The following FAM184A variants were observed in gnomAD, a reference collection of about 807,000 sequenced individuals.
The protein encoded by FAM184A is family with sequence similarity 184 member A, also known as protein FAM184A.
FAM184A carries 99 observed loss-of-function variants against 143.8 expected under a neutral mutation model. That is an observed-to-expected ratio of 0.69 (90% confidence interval 0.58 to 0.81). The LOEUF (loss-of-function observed/expected upper bound fraction) is 0.81. Among genes scored for constraint, FAM184A ranks in the 40% least tolerant of loss-of-function variants. The pLI, the probability that FAM184A is intolerant of heterozygous loss-of-function variation, is 0.00. For synonymous variants in FAM184A, 427 were observed against 446.4 expected, an observed-to-expected ratio of 0.96 and a Z score of 0.55; for missense variants, 1,217 against 1,310.5, an observed-to-expected ratio of 0.93 and a Z score of 1.10.
intron 14 of FAM184A, among the ~76,000 whole-genome samples, chr6:118,973,299 G>C (rs1349604089): frequency 6.6e-6 from 1 of 152,114 alleles, no homozygotes; most frequent in Non-Finnish European, 1.5e-5. Flanking sequence ...AATCTTTACC[G>C]AAAGATTGAA....
chr6:119,071,726 C>G (rs748699463), intron 1 of FAM184A, among the ~76,000 whole-genome samples: 1 of 152,118 alleles, frequency 6.6e-6, no homozygotes, highest in Non-Finnish European at 1.5e-5. Context: ...TGGCCACCCC[C>G]ACCTAGACCA....
chr6:119,024,714 T>C lies in FAM184A; in HGVS notation c.259A>G (p.Thr87Ala), dbSNP rs1785569954. Reference sequence around the variant, plus strand: ...TTATACTGCAATATTTTTTCTCTTGTTTCAGCAAGAATTTGTTGAATTTCT... The same window carrying C: ...TTATACTGCAATATTTTTTCTCTTGCTTCAGCAAGAATTTGTTGAATTTCT... ...EEEIQQILAE[T>A]REKILQYKSK... Residue 87 changes from threonine (T) to alanine (A), a missense_variant, in exon 2 of 18, where the codon ACA (threonine) becomes GCA (alanine). Thr to Ala is a moderately conservative substitution (Grantham distance 58). Coordinates refer to ENST00000338891, the MANE Select transcript of FAM184A (RefSeq NM_024581.6). 8 of 1,613,944 alleles carry C rather than the reference T, an allele frequency of 5.0e-6. No individual in the cohort carries two copies. Among genetic ancestry groups the C allele is most frequent in the Non-Finnish European group, 6.8e-6 (8 of 1,180,000 alleles).
chr6:118,960,828 G>A lies in FAM184A; in HGVS notation c.3342-644C>T, dbSNP rs1473889537. On this transcript the variant is annotated intron_variant, in intron 17 of 17. Transcript: ENST00000338891. The stretch of plus-strand genomic sequence containing the variant: ...GTGTAATGGAAACTCCAGTAGTCAT[G>A]TTCCTTGAGCTCATGCACATGCATC... The A allele has an allele frequency of 2.2e-6, 3 of 1,365,898 alleles. No homozygotes were observed. In the South Asian group the frequency reaches 3.4e-5, roughly 16 times the overall value. 84.6% of individuals were successfully genotyped at this position (1,365,898 alleles called of 1,614,324 possible). A position where few individuals can be genotyped will look rare whatever the true frequency, so the allele number is the denominator to read the frequency against.
chr6:119,110,412 C>T (rs1202218179), intron 1 of FAM184A, among the ~76,000 whole-genome samples: 1 of 152,058 alleles, frequency 6.6e-6, no homozygotes, highest in African/African-American at 2.4e-5. Flanking sequence ...GAGCTTCTAT[C>T]TCCAGGAAAG....
intron 9 of FAM184A, among the ~76,000 whole-genome samples, chr6:118,992,102 G>A (rs1337955996): frequency 6.6e-6 from 1 of 152,022 alleles, no homozygotes; most frequent in Non-Finnish European, 1.5e-5. Context: ...GGCAGGATCT[G>A]ATTTACATCA....
intron 1 of FAM184A, chr6:119,058,032 T>A (rs1787064291): frequency 6.6e-6 from 1 of 151,208 alleles, no homozygotes; most frequent in Admixed American, 6.6e-5. Flanking sequence ...TATGGGTTAA[T>A]GTTTTTCCCT....
At chr6:119,017,474 G>A (rs1470555557) in intron 4 of FAM184A, among the ~76,000 whole-genome samples, 1 of 151,300 alleles carries the variant, frequency 6.6e-6, no homozygotes, top group Non-Finnish European at 1.5e-5. Context: ...CTCCAGCCTG[G>A]GCGACAGAGC....
chr6:119,017,424 G>C (rs1411500279), intron 4 of FAM184A, among the ~76,000 whole-genome samples: 1 of 151,038 alleles, frequency 6.6e-6, no homozygotes, highest in Non-Finnish European at 1.5e-5. Flanking sequence ...CGTGAAACTG[G>C]GAGACAGAGT....
intron 9 of FAM184A, among the ~76,000 whole-genome samples, chr6:118,997,401 G>C (rs1256202661): frequency 6.6e-6 from 1 of 150,686 alleles, no homozygotes; most frequent in Non-Finnish European, 1.5e-5. Context: ...CTAAGAAAAA[G>C]AATAGCAGCC....
chr6:119,145,465 G>C (rs1352005642), intron 1 of FAM184A, among the ~76,000 whole-genome samples: 4 of 151,934 alleles, frequency 2.6e-5, no homozygotes, highest in South Asian at 4.2e-4. Context: ...TGAGTGCCAG[G>C]AAAAAAATAC....
chr6:118,993,351 G>A (rs568675688), intron 9 of FAM184A, among the ~76,000 whole-genome samples: 4 of 152,338 alleles, frequency 2.6e-5, no homozygotes, highest in South Asian at 2.1e-4. Flanking sequence ...AGTTGCTGCA[G>A]TTAATTAGAA....
At chr6:118,987,656 A>G (rs931085613) in intron 9 of FAM184A, among the ~76,000 whole-genome samples, 3 of 152,206 alleles carry the variant, frequency 2.0e-5, no homozygotes, top group Non-Finnish European at 2.9e-5. Flanking sequence ...AACCTTCATA[A>G]CAATCCAGTA....
chr6:119,114,185 A>G (rs956654717), intron 1 of FAM184A, among the ~76,000 whole-genome samples: 4 of 152,168 alleles, frequency 2.6e-5, no homozygotes, highest in African/African-American at 9.7e-5. Context: ...CCATATTGCT[A>G]TTATCTCTCA....
At chr6:119,119,183 A>G (rs552101395) in intron 1 of FAM184A, among the ~76,000 whole-genome samples, 41 of 151,870 alleles carry the variant, frequency 2.7e-4, no homozygotes, top group African/African-American at 8.7e-4. Flanking sequence ...ATCAATGACA[A>G]TGCGTGCCAA....
At chr6:118,984,131 T>G (rs1784105837) in intron 9 of FAM184A, among the ~76,000 whole-genome samples, 1 of 134,340 alleles carries the variant, frequency 7.4e-6, no homozygotes, top group Admixed American at 8.3e-5. Context: ...ACCTGGGCAA[T>G]GATAACGAAA....
rs193110966 is a variant in FAM184A at position 119,047,492 on chromosome 6, A to T, written c.160-22679T>A. Among the ~76,000 whole-genome samples the T allele has an allele frequency of 4.1e-3, 632 of 152,330 alleles. 2 individuals are homozygous for T. Among genetic ancestry groups the T allele is most frequent in the Non-Finnish European group, 7.3e-3 (498 of 68,030 alleles). ...TTGGAAGTAACCTACGTGTCCATCA[A>T]CAGATGAATGGATAAAGAAAATGTC... is the stretch of plus-strand genomic sequence containing the variant. On this transcript the variant is annotated intron_variant, in intron 1 of 17. Transcript: ENST00000338891.
chr6:119,047,388 CA>C (rs138001601), intron 1 of FAM184A, among the ~76,000 whole-genome samples: 269 of 152,168 alleles, frequency 1.8e-3, no homozygotes, highest in African/African-American at 5.7e-3. Flanking sequence ...GGTATGTACC[CA>C]AAAGAGAGGA....
intron 7 of FAM184A, among the ~76,000 whole-genome samples, chr6:119,005,097 T>C (rs1202133431): frequency 6.6e-6 from 1 of 152,164 alleles, no homozygotes; most frequent in Non-Finnish European, 1.5e-5. Context: ...CCTCTTAATA[T>C]AGTTTGGTCA....
chr6:119,016,283 G>A (rs986090806), intron 5 of FAM184A, among the ~76,000 whole-genome samples: 11 of 152,064 alleles, frequency 7.2e-5, no homozygotes, highest in African/African-American at 2.4e-4. Flanking sequence ...TTGACAACCC[G>A]CTCGGGTCCC....
Sources: allele counts gnomAD v4.1 joint callset (sites outside exome capture counted in the v4.1 genomes callset), GRCh38; gene constraint gnomAD v4.1.1; transcripts MANE v1.5; gene names NCBI Gene and HGNC (gene_info 2026-07-23, HGNC 2026-07-21).